ERICH5: variants seen among roughly 807,000 people sequenced by gnomAD.
The protein encoded by ERICH5 is glutamate rich 5, also known as glutamate-rich protein 5.
ERICH5 carries 24 observed loss-of-function variants against 28.0 expected under a neutral mutation model. The observed-to-expected ratio is 0.86, with a 90% CI of 0.62 to 1.21. ERICH5 has a LOEUF of 1.21. ERICH5 is among the 50% of genes most tolerant of loss of function. The pLI, the probability that ERICH5 is intolerant of heterozygous loss-of-function variation, is 0.00. For missense variants in ERICH5, 421 were observed against 441.2 expected, an observed-to-expected ratio of 0.95 and a Z score of 0.41; for synonymous variants, 163 against 157.6, an observed-to-expected ratio of 1.03 and a Z score of -0.25.
At chr8:98,073,027 C>G (rs979154475) in intron 1 of ERICH5, among the ~76,000 whole-genome samples, 2 of 151,980 alleles carry the variant, frequency 1.3e-5, no homozygotes, top group Non-Finnish European at 2.9e-5. Context: ...GTTCTGGTTA[C>G]CTGTACACCT....
intron 1 of ERICH5, among the ~76,000 whole-genome samples, chr8:98,078,836 A>G (rs1183129110): frequency 6.6e-6 from 1 of 152,248 alleles, no homozygotes; most frequent in African/African-American, 2.4e-5. Context: ...CTTTAAACAA[A>G]TTCAGATGTG....
chr8:98,076,241 A>AC (rs1476441854), intron 1 of ERICH5, among the ~76,000 whole-genome samples: 2 of 151,898 alleles, frequency 1.3e-5, no homozygotes, highest in Non-Finnish European at 2.9e-5. Flanking sequence ...TTTTGTACAG[A>AC]CGGGATTTCA....
At chr8:98,077,936 T>C (rs1355460331) in intron 1 of ERICH5, among the ~76,000 whole-genome samples, 1 of 152,230 alleles carries the variant, frequency 6.6e-6, no homozygotes, top group African/African-American at 2.4e-5. Context: ...GCATTTACTT[T>C]GTGATGATCA....
At chr8:98,075,785 C>CTTTTTTTTTTTTTTTTTTTTTTT (rs1296283210) in intron 1 of ERICH5, among the ~76,000 whole-genome samples, 1 of 81,648 alleles carries the variant, frequency 1.2e-5, no homozygotes, top group African/African-American at 4.6e-5. Context: ...GCACACCTGC[C>CTTTTTTTTTTTTTTTTTTTTTTT]TTTTTTTTTT....
intron 1 of ERICH5, among the ~76,000 whole-genome samples, chr8:98,066,842 T>G (rs1335331276): frequency 6.6e-6 from 1 of 152,238 alleles, no homozygotes; most frequent in Non-Finnish European, 1.5e-5. Flanking sequence ...TTCCTGTTTC[T>G]GCACCTTGCA....
At position 98,089,337 on chromosome 8, in the gene ERICH5, G is replaced by A. The variant is rs773195953; in HGVS notation, c.320G>A (p.Gly107Glu). 6.2e-7 allele frequency: 1 copy of A among 1,614,266 alleles called. No individual in the cohort carries two copies. Among genetic ancestry groups the A allele is most frequent in the Non-Finnish European group, 8.5e-7 (1 of 1,180,054 alleles). The change falls in exon 2 of 3, where the codon GGA (glycine) becomes GAA (glutamate). Residue 107 changes from glycine (G) to glutamate (E), a missense_variant. Coordinates refer to ENST00000318528, the MANE Select transcript of ERICH5 (RefSeq NM_173549.3). ...GGGTCCACAGAAAAGACTCAGCCTG[G>A]AGAGGGACTGGAGGAATCTGGGCCG... ...QSGSTEKTQP[G>E]EGLEESGPPQ...
intron 1 of ERICH5, among the ~76,000 whole-genome samples, chr8:98,072,027 C>T (rs1014429110): frequency 2.6e-5 from 4 of 151,958 alleles, no homozygotes; most frequent in East Asian, 1.9e-4. Context: ...GCTGGGATTA[C>T]AGGCATGAAC....
intron 1 of ERICH5, among the ~76,000 whole-genome samples, 196 bp downstream of exon 1, chr8:98,064,923 G>A (rs1814792178): frequency 6.6e-6 from 1 of 152,232 alleles, no homozygotes; most frequent in South Asian, 2.1e-4. Flanking sequence ...GACCGCGGGT[G>A]CGGCGGCCCT....
At chr8:98,079,244 C>T (rs929934403) in intron 1 of ERICH5, among the ~76,000 whole-genome samples, 2 of 142,132 alleles carry the variant, frequency 1.4e-5, no homozygotes, top group South Asian at 4.6e-4. Context: ...AATCATGGCT[C>T]ACTGCATCCT....
chr8:98,076,876 T>C (rs1815064126), intron 1 of ERICH5, among the ~76,000 whole-genome samples: 1 of 152,144 alleles, frequency 6.6e-6, no homozygotes, highest in Non-Finnish European at 1.5e-5. Flanking sequence ...CAATTTGCTT[T>C]TAAAAGCAGC....
At chr8:98,093,062 G>T (rs997106936) in intron 2 of ERICH5, among the ~76,000 whole-genome samples, 159 bp from the exon 3 acceptor site, 1 of 152,050 alleles carries the variant, frequency 6.6e-6, no homozygotes, top group Non-Finnish European at 1.5e-5. Flanking sequence ...TGTTAGCCAC[G>T]GTGCCCAGCT....
chr8:98,067,895 C>CGCGT (rs1372693098), intron 1 of ERICH5, among the ~76,000 whole-genome samples: 1 of 151,994 alleles, frequency 6.6e-6, no homozygotes, highest in African/African-American at 2.4e-5. Context: ...TGAGCCACCA[C>CGCGT]GCGTGGCCTA....
chr8:98,078,433 G>A (rs577886355), intron 1 of ERICH5, among the ~76,000 whole-genome samples: 4 of 152,222 alleles, frequency 2.6e-5, no homozygotes, highest in Admixed American at 1.3e-4. Flanking sequence ...TTACAAATTC[G>A]CTCAAAAACC....
chr8:98,085,714 T>C (rs1250176691), intron 1 of ERICH5, among the ~76,000 whole-genome samples: 1 of 152,220 alleles, frequency 6.6e-6, no homozygotes, highest in Non-Finnish European at 1.5e-5. Context: ...ATCTAAACTC[T>C]TTAGCACCAC....
At chr8:98,091,912 T>TCTTC (rs1292341945) in intron 2 of ERICH5, among the ~76,000 whole-genome samples, 2 of 96,240 alleles carry the variant, frequency 2.1e-5, no homozygotes, top group African/African-American at 4.4e-5. Context: ...TTTCTTTCTT[T>TCTTC]CTTTCTTCCT....
At chr8:98,067,489 C>T (rs1462403160) in intron 1 of ERICH5, among the ~76,000 whole-genome samples, 1 of 151,656 alleles carries the variant, frequency 6.6e-6, no homozygotes, top group Non-Finnish European at 1.5e-5. Flanking sequence ...ATGTTTAAAC[C>T]AGCTTCTGCT....
chr8:98,076,406 T>C (rs79600649), intron 1 of ERICH5, among the ~76,000 whole-genome samples: 1 of 147,128 alleles, frequency 6.8e-6, no homozygotes, highest in African/African-American at 2.5e-5. Context: ...TTTTTTTTTT[T>C]CCTCGTGATC....
At position 98,064,699 on chromosome 8, in the gene ERICH5, G is replaced by A. The variant is rs1328233822; in HGVS notation, c.30G>A (p.Lys10=). The A allele has an allele frequency of 6.5e-7, 1 of 1,536,010 alleles. No homozygotes were observed. Among genetic ancestry groups the A allele is most frequent in the Non-Finnish European group, 8.7e-7 (1 of 1,143,784 alleles). ...GCTGCTCCAGCAGCGCCCTCAACAAGGCCGGCGACAGCAGCAGGTTCCCCA... is the reference window on the plus strand; with the variant it reads ...GCTGCTCCAGCAGCGCCCTCAACAAAGCCGGCGACAGCAGCAGGTTCCCCA... MGCSSSALN[K]AGDSSRFPSV... Residue 10 remains lysine (K), a synonymous_variant, in exon 1 of 3, where the codon AAG becomes AAA. Transcript: ENST00000318528.
intron 1 of ERICH5, among the ~76,000 whole-genome samples, chr8:98,088,260 T>C (rs1563758033): frequency 6.6e-6 from 1 of 152,216 alleles, no homozygotes; most frequent in Non-Finnish European, 1.5e-5. Flanking sequence ...ATATTGCTTA[T>C]CTTAAACTAT....
Sources: allele counts gnomAD v4.1 joint callset (sites outside exome capture counted in the v4.1 genomes callset), GRCh38; gene constraint gnomAD v4.1.1; transcripts MANE v1.5; gene names NCBI Gene and HGNC (gene_info 2026-07-23, HGNC 2026-07-21).